The following FAP variants were observed in gnomAD, a reference collection of about 807,000 sequenced individuals.
FAP encodes the protein fibroblast activation protein alpha.
In FAP, 110 loss-of-function variants were observed where a neutral mutation model predicts 126.5. The ratio of observed to expected loss-of-function variants is 0.87; its 90% confidence interval spans 0.74 to 1.02. The LOEUF (loss-of-function observed/expected upper bound fraction) is 1.02, where lower values mean the gene tolerates loss of function less well. Ranked by LOEUF, FAP falls within the 50% of genes least tolerant of loss-of-function variation. FAP has a pLI of 0.00. For missense variants in FAP, 919 were observed against 909.2 expected, an observed-to-expected ratio of 1.01 and a Z score of -0.14; for synonymous variants, 334 against 297.3, an observed-to-expected ratio of 1.12 and a Z score of -1.27.
chr2:162,207,957 T>A (rs1371687835), intron 12 of FAP, among the ~76,000 whole-genome samples: 1 of 151,626 alleles, frequency 6.6e-6, no homozygotes, highest in Non-Finnish European at 1.5e-5. Flanking sequence ...GGGTGTTTTT[T>A]AAAAAAGTTC....
Position 162,174,974 on chromosome 2 carries a change from G to T in FAP, c.1870-8C>A, listed in dbSNP as rs193131228. 7,193 of 1,591,836 alleles carry T rather than the reference G, an allele frequency of 4.5e-3. 36 individuals carry two copies. Among genetic ancestry groups the T allele is most frequent in the South Asian group, 9.9e-3 (893 of 90,372 alleles). On this transcript the variant is annotated splice_region_variant and splice_polypyrimidine_tract_variant and intron_variant, in intron 21 of 25. Coordinates refer to ENST00000188790, the MANE Select transcript of FAP (RefSeq NM_004460.5). ...AACGTATCCTCCATAGGACTGTAGA[G>T]ACATTGTTATGAGTCAGACTCAGAT...
At chr2:162,174,145 G>T (rs1351787526) in intron 22 of FAP, among the ~76,000 whole-genome samples, 1 of 152,014 alleles carries the variant, frequency 6.6e-6, no homozygotes, top group Non-Finnish European at 1.5e-5. Flanking sequence ...CACAAATCCA[G>T]CCATCTTTAG....
intron 6 of FAP, among the ~76,000 whole-genome samples, chr2:162,220,886 C>A (rs191668314): frequency 2.6e-5 from 4 of 152,156 alleles, no homozygotes; most frequent in African/African-American, 9.7e-5. Context: ...CAGAGCAAGA[C>A]CTGCCGCCCA....
intron 11 of FAP, among the ~76,000 whole-genome samples, chr2:162,211,497 A>G (rs1042930838): frequency 1.3e-5 from 2 of 152,166 alleles, no homozygotes; most frequent in Non-Finnish European, 2.9e-5. Context: ...GAAGAGCTGG[A>G]AAGGAAAAGA....
intron 10 of FAP, among the ~76,000 whole-genome samples, chr2:162,214,984 TC>T (rs1256189549): frequency 6.6e-6 from 1 of 152,160 alleles, no homozygotes; most frequent in East Asian, 1.9e-4. Context: ...GCCTCTGGAC[TC>T]CTTGTGTTAT....
chr2:162,189,558 G>A (rs148066871), intron 18 of FAP, 98 bp downstream of exon 18: 224 of 650,052 alleles, frequency 3.4e-4, no homozygotes, highest in Non-Finnish European at 4.8e-4. Context: ...TTAATAGATC[G>A]CAGAATTTGC....
chr2:162,207,971 A>G (rs1688776078), intron 12 of FAP, among the ~76,000 whole-genome samples: 2 of 151,824 alleles, frequency 1.3e-5, no homozygotes, highest in Admixed American at 1.3e-4. Flanking sequence ...AAAGTTCTAC[A>G]GCTGGGCCAG....
rs143208145 is a variant in FAP at position 162,214,033 on chromosome 2, G to A, written c.907C>T (p.Arg303Ter). ...CTTTTTAGCCACTGCAAACATACTC[G>A]TTCATCAGTAACCCACGTGAGCCAA... ...FSWLTWVTDE[R>*]VCLQWLKRVQ... The change falls in exon 11 of 26, where the codon CGA (arginine) becomes TGA (stop). Residue 303 changes from arginine to a stop codon, truncating the protein, a stop_gained. Transcript: ENST00000188790. LOFTEE classifies it high-confidence loss of function. 8.1e-6 allele frequency: 13 copies of A among 1,613,744 alleles called. No individual in the cohort carries two copies. The highest frequency in any genetic ancestry group is 2.7e-5 in the African/African-American group (2 of 74,884).
In FAP at chr2:162,183,401, T is replaced by C; in HGVS notation, c.1869+13A>G. 4 of 1,593,020 alleles carry C rather than the reference T, an allele frequency of 2.5e-6. No homozygotes were observed. The highest frequency in any genetic ancestry group is 3.4e-6 in the Non-Finnish European group (4 of 1,163,874). ...AACTGAATAACAGGCATAAAAAATA[T>C]AAAACAACTCACCCAGCCCCATATG... On this transcript the variant is annotated intron_variant, in intron 21 of 25. Transcript: ENST00000188790.
At chr2:162,229,757 G>C (rs998103874) in intron 2 of FAP, among the ~76,000 whole-genome samples, 11 of 152,056 alleles carry the variant, frequency 7.2e-5, no homozygotes, top group Non-Finnish European at 1.3e-4. Flanking sequence ...GGTTGGACTT[G>C]ATACTATATT....
intron 2 of FAP, among the ~76,000 whole-genome samples, chr2:162,239,804 T>C (rs1690275980): frequency 1.3e-5 from 2 of 152,214 alleles, no homozygotes; most frequent in African/African-American, 4.8e-5. Flanking sequence ...GGTCAAATAG[T>C]TCCTATGATT....
intron 20 of FAP, among the ~76,000 whole-genome samples, chr2:162,185,593 G>T (rs748334044): frequency 6.6e-6 from 1 of 152,018 alleles, no homozygotes; most frequent in East Asian, 1.9e-4. Context: ...GTTATAAGAC[G>T]ATATGACTTC....
intron 2 of FAP, among the ~76,000 whole-genome samples, chr2:162,234,413 T>G (rs970007631): frequency 6.6e-6 from 1 of 152,162 alleles, no homozygotes; most frequent in African/African-American, 2.4e-5. Flanking sequence ...CTATTGATCT[T>G]TATACATGGA....
intron 14 of FAP, among the ~76,000 whole-genome samples, chr2:162,201,940 T>C (rs576398635): frequency 2.2e-4 from 33 of 152,310 alleles, no homozygotes; most frequent in African/African-American, 7.9e-4. Context: ...CACTCCCCTT[T>C]ACTCTAGTGA....
intron 20 of FAP, among the ~76,000 whole-genome samples, chr2:162,187,846 A>G (rs1687910999): frequency 6.6e-6 from 1 of 152,100 alleles, no homozygotes; most frequent in Non-Finnish European, 1.5e-5. Flanking sequence ...TTTCCTGAAG[A>G]TCATCATTAG....
In FAP at chr2:162,214,250, T is replaced by TA. The variant is rs1461985407; in HGVS notation, c.867-178dup. ...GAAAGTTTAAATATCTCTACTTACT[T>TA]AAAAAAATATCTATGAGAGTTTCTT... On this transcript the variant is annotated intron_variant, in intron 10 of 25. Coordinates refer to ENST00000188790, the MANE Select transcript of FAP (RefSeq NM_004460.5). 2.6e-5 allele frequency among the ~76,000 whole-genome samples: 4 copies of TA among 152,136 alleles called. No homozygotes were observed. The East Asian group carries it at 5.8e-4, about 22-fold the overall frequency.
At position 162,225,668 on chromosome 2, in the gene FAP, A is replaced by G. The variant is rs1689615106; in HGVS notation, c.191-91T>C. 9.7e-6 allele frequency: 13 copies of G among 1,340,732 alleles called. No individual in the cohort carries two copies. In the South Asian group the frequency reaches 1.8e-4, roughly 19 times the overall value. 83.1% of individuals were successfully genotyped at this position (1,340,732 alleles called of 1,614,324 possible). A position where few individuals can be genotyped will look rare whatever the true frequency, so the allele number is the denominator to read the frequency against. The stretch of plus-strand genomic sequence containing the variant: ...AGAAACCTCTCTATTTCACAGACCT[A>G]CTTTGTTTTTCCTCTCTGTCCAGTA... On this transcript the variant is annotated intron_variant, in intron 3 of 25. Transcript: ENST00000188790.
In FAP at chr2:162,225,507, A is replaced by G. The variant is rs768918978; in HGVS notation, c.261T>C (p.Tyr87=). ...CCATGGTTCTATTACTCAAAATGGT[A>G]TATGATTGTCCTGTTTCAATATTAT... ...VLYNIETGQS[Y]TILSNRTMKS... Residue 87 remains tyrosine, a synonymous_variant, in exon 4 of 26, where the codon TAT becomes TAC. Transcript: ENST00000188790. The G allele has an allele frequency of 6.2e-7, 1 of 1,600,934 alleles. No homozygotes were observed. Among genetic ancestry groups the G allele is most frequent in the Non-Finnish European group, 8.5e-7 (1 of 1,172,396 alleles).
intron 6 of FAP, among the ~76,000 whole-genome samples, chr2:162,221,036 C>T (rs922585701): frequency 1.3e-5 from 2 of 152,272 alleles, no homozygotes; most frequent in African/African-American, 4.8e-5. Context: ...ATCTGTAACA[C>T]ACACTGCCTT....
Sources: gnomAD v4.1 joint callset for allele counts (sites outside exome capture counted in the v4.1 genomes callset) on GRCh38, gnomAD v4.1.1 for gene constraint, MANE v1.5 for transcripts, NCBI Gene and HGNC (gene_info 2026-07-23, HGNC 2026-07-21) for gene names.